The following TXNRD1 variants were observed in gnomAD, a reference collection of about 807,000 sequenced individuals.
TXNRD1 encodes thioredoxin reductase 1, cytoplasmic.
TXNRD1 carries 57 observed loss-of-function variants against 80.3 expected under a neutral mutation model. The ratio of observed to expected loss-of-function variants is 0.71; its 90% CI spans 0.57 to 0.89. TXNRD1 has a LOEUF of 0.89. TXNRD1 is among the 40% of genes least tolerant of loss of function. TXNRD1 has a pLI of 0.00. For missense variants in TXNRD1, 730 were observed against 803.0 expected, an observed-to-expected ratio of 0.91 and a Z score of 1.10; for synonymous variants, 291 against 285.2, an observed-to-expected ratio of 1.02 and a Z score of -0.20.
In TXNRD1 at chr12:104,229,860, G is replaced by A. The variant is rs1476592992; in HGVS notation, c.91+13967G>A. On this transcript the variant is annotated intron_variant, in intron 1 of 16. Transcript: ENST00000525566. Reference sequence around the variant, plus strand: ...CCTGCCTCGGCCTCTCAAAGTGCTGGGATTACAGGTGTGAGCCACTGTGCC... The same window carrying A: ...CCTGCCTCGGCCTCTCAAAGTGCTGAGATTACAGGTGTGAGCCACTGTGCC... Among the ~76,000 whole-genome samples, 6 of 151,808 alleles carry A rather than the reference G, an allele frequency of 4.0e-5. No homozygotes were observed. The South Asian group carries it at 8.3e-4, about 21-fold the overall frequency.
chr12:104,342,446 T>C (rs371579036), intron 16 of TXNRD1, among the ~76,000 whole-genome samples: 2 of 152,272 alleles, frequency 1.3e-5, no homozygotes, highest in African/African-American at 4.8e-5. Context: ...AAATACATAT[T>C]TCTTCTCATT....
At chr12:104,344,221 C>T (rs1248972608) in intron 16 of TXNRD1, among the ~76,000 whole-genome samples, 2 of 152,118 alleles carry the variant, frequency 1.3e-5, no homozygotes, top group Non-Finnish European at 2.9e-5. Context: ...CACCTGTTAG[C>T]TGTTTTTTCC....
intron 1 of TXNRD1, among the ~76,000 whole-genome samples, chr12:104,234,039 A>G (rs112682650): frequency 1.3e-5 from 2 of 152,162 alleles, no homozygotes; most frequent in African/African-American, 2.4e-5. Context: ...CAATATTACA[A>G]TCTTCAAAGC....
Position 104,311,301 on chromosome 12 carries a change from G to A in TXNRD1, c.426G>A (p.Glu142=). 2 of 1,600,710 alleles carry A rather than the reference G, an allele frequency of 1.2e-6. No homozygotes were observed. The highest frequency in any genetic ancestry group is 1.1e-5 in the South Asian group (1 of 89,206). ...GHGPTLKAYQ[E]GRLQKLLKMN... ...TTATTTTTCTTTAGGCTTATCAGGAGGGCAGACTTCAAAAGCTACTAAAAA... is the reference window on the plus strand; with the variant it reads ...TTATTTTTCTTTAGGCTTATCAGGAAGGCAGACTTCAAAAGCTACTAAAAA... The change falls in exon 5 of 17, where the codon GAG becomes GAA. Residue 142 remains glutamate, a synonymous_variant. Coordinates refer to ENST00000525566, the MANE Select transcript of TXNRD1 (RefSeq NM_001093771.3).
intron 11 of TXNRD1, 80 bp from the exon 12 acceptor site, chr12:104,326,264 TTAA>T: frequency 1.1e-6 from 1 of 922,920 alleles, no homozygotes; most frequent in Non-Finnish European, 1.6e-6. Flanking sequence ...TCAGATTAGC[TTAA>T]TAAGCAGAGA....
At chr12:104,228,301 CA>C (rs11349965) in intron 1 of TXNRD1, among the ~76,000 whole-genome samples, 77,226 of 116,040 alleles carry the variant, frequency 0.67, 25,231 homozygotes, top group Non-Finnish European at 0.73. Flanking sequence ...AACTCCATCT[CA>C]AAAAAAAAAA....
intron 3 of TXNRD1, chr12:104,262,623 A>C (rs2033391183): frequency 6.6e-6 from 1 of 152,202 alleles, no homozygotes; most frequent in Non-Finnish European, 1.5e-5. Flanking sequence ...ATTGGTAGAC[A>C]GGAGTATTTG....
At chr12:104,235,038 T>C (rs913310004) in intron 1 of TXNRD1, among the ~76,000 whole-genome samples, 1 of 152,058 alleles carries the variant, frequency 6.6e-6, no homozygotes, top group Non-Finnish European at 1.5e-5. Flanking sequence ...TGGGGGAAGG[T>C]GTTGGATATA....
At chr12:104,263,764 T>A (rs2033418596) in intron 3 of TXNRD1, among the ~76,000 whole-genome samples, 1 of 152,222 alleles carries the variant, frequency 6.6e-6, no homozygotes, top group Admixed American at 6.5e-5. Context: ...TTCTGATGTG[T>A]ATTATTCATG....
At chr12:104,333,007 T>G (rs2036012023) in intron 14 of TXNRD1, among the ~76,000 whole-genome samples, 1 of 151,778 alleles carries the variant, frequency 6.6e-6, no homozygotes. Context: ...CAGTTTTAGG[T>G]CCAAGCTTAA....
At chr12:104,240,833 C>T (rs2032842408) in intron 1 of TXNRD1, among the ~76,000 whole-genome samples, 1 of 150,516 alleles carries the variant, frequency 6.6e-6, no homozygotes, top group Non-Finnish European at 1.5e-5. Context: ...ACTTCTGCCT[C>T]CTGGGTTCAA....
chr12:104,270,618 C>A (rs1388391784), intron 3 of TXNRD1, among the ~76,000 whole-genome samples: 1 of 152,026 alleles, frequency 6.6e-6, no homozygotes, highest in Non-Finnish European at 1.5e-5. Context: ...CCATTTGTCT[C>A]CTGTTTAAAT....
intron 6 of TXNRD1, 36 bp downstream of exon 6, chr12:104,313,353 G>A (rs142748896): frequency 4.5e-5 from 67 of 1,485,998 alleles, no homozygotes; most frequent in Admixed American, 2.6e-4. Context: ...TGATGTTGCC[G>A]AAGTAGTTTT....
At chr12:104,311,472 C>A in intron 5 of TXNRD1, 60 bp downstream of exon 5, 1 of 1,577,588 alleles carries the variant, frequency 6.3e-7, no homozygotes, top group Non-Finnish European at 8.6e-7. Flanking sequence ...ATATTAACAT[C>A]CCTGACAGGG....
intron 3 of TXNRD1, among the ~76,000 whole-genome samples, chr12:104,263,211 A>G (rs571580888): frequency 1.3e-5 from 2 of 152,284 alleles, no homozygotes; most frequent in African/African-American, 2.4e-5. Flanking sequence ...AATACCACCA[A>G]TCAGGTAGGT....
chr12:104,320,616 A>AGTT (rs1273642521), intron 9 of TXNRD1, among the ~76,000 whole-genome samples: 1 of 151,456 alleles, frequency 6.6e-6, no homozygotes, highest in East Asian at 1.9e-4. Flanking sequence ...TACTCCTTAT[A>AGTT]GTTGGCTTTT....
chr12:104,311,647 G>A (rs1565894990), intron 5 of TXNRD1, among the ~76,000 whole-genome samples: 1 of 152,100 alleles, frequency 6.6e-6, no homozygotes, highest in African/African-American at 2.4e-5. Flanking sequence ...TTTGGAACAC[G>A]TTTCCGTTCA....
chr12:104,241,038 GT>G (rs1315164807), intron 1 of TXNRD1, among the ~76,000 whole-genome samples: 33 of 140,468 alleles, frequency 2.3e-4, no homozygotes, highest in East Asian at 1.5e-3. Flanking sequence ...ACTGCGCCCA[GT>G]TTTTTTTTTT....
Position 104,314,014 on chromosome 12 carries a change from G to A in TXNRD1, c.610+697G>A, listed in dbSNP as rs192064639. ...ATGAGAATGAGCCAGCTGTCAAAAG[G>A]TGAGGCAGAACCTTCCAGGCAGCTT... On this transcript the variant is annotated intron_variant, in intron 6 of 16. Coordinates refer to ENST00000525566, the MANE Select transcript of TXNRD1 (RefSeq NM_001093771.3). Among the ~76,000 whole-genome samples, 140 of 152,344 alleles carry A rather than the reference G, an allele frequency of 9.2e-4. No homozygotes were observed. In the Middle Eastern group the frequency reaches 0.017, roughly 19 times the overall value.
Sources: allele counts gnomAD v4.1 joint callset (sites outside exome capture counted in the v4.1 genomes callset), GRCh38; gene constraint gnomAD v4.1.1; transcripts MANE v1.5; gene names NCBI Gene and HGNC (gene_info 2026-07-23, HGNC 2026-07-21).